KCNJ3: variants seen among roughly 807,000 people sequenced by gnomAD.
KCNJ3 encodes potassium inwardly rectifying channel subfamily J member 3.
In KCNJ3, 4 loss-of-function variants were observed where a neutral mutation model predicts 39.2. The ratio of observed to expected loss-of-function variants is 0.10; its 90% CI spans 0.05 to 0.23. The LOEUF (loss-of-function observed/expected upper bound fraction) is 0.23, where lower values mean the gene tolerates loss of function less well. KCNJ3 is among the 10% of genes least tolerant of loss of function. KCNJ3 has a pLI of 1.00. For synonymous variants in KCNJ3, 230 were observed against 237.4 expected, an observed-to-expected ratio of 0.97 and a Z score of 0.29; for missense variants, 276 against 634.9, an observed-to-expected ratio of 0.43 and a Z score of 6.08.
intron 1 of KCNJ3, among the ~76,000 whole-genome samples, chr2:154,700,025 TCATCTTTTTAACAAACA>T (rs1460360529): frequency 6.6e-6 from 1 of 152,168 alleles, no homozygotes; most frequent in Middle Eastern, 3.2e-3. Flanking sequence ...AACTCTATGG[TCATCTTTTTAACAAACA>T]CACAGATACA....
At chr2:154,765,430 A>T (rs2652437) in intron 2 of KCNJ3, among the ~76,000 whole-genome samples, 98,394 of 152,048 alleles carry the variant, frequency 0.65, 34,859 homozygotes, top group Middle Eastern at 0.8. Context: ...TTCTCTTGCT[A>T]GAATGTAAAG....
At chr2:154,733,010 T>C (rs951467847) in intron 2 of KCNJ3, among the ~76,000 whole-genome samples, 2 of 152,162 alleles carry the variant, frequency 1.3e-5, no homozygotes, top group Non-Finnish European at 2.9e-5. Flanking sequence ...AAAACTTTAG[T>C]GTTGATTTTT....
rs1157195148 is a variant in KCNJ3 at position 154,855,194 on chromosome 2, A to G, written c.1387A>G (p.Met463Val). ...AACCACCAAGATGTTATCTGATCCCATGAGCCAGTCTGTGGCTGATTTGCC... is the reference window on the plus strand; with the variant it reads ...AACCACCAAGATGTTATCTGATCCCGTGAGCCAGTCTGTGGCTGATTTGCC... ...SKTTKMLSDPMSQSVADLPPK... is the reference protein window; with the variant it reads ...SKTTKMLSDPVSQSVADLPPK... The change falls in exon 3 of 3, where the codon ATG (methionine) becomes GTG (valine). Residue 463 changes from methionine (M) to valine (V), a missense_variant. By Grantham distance (21) the Met-to-Val change is conservative (BLOSUM62 1). Coordinates refer to ENST00000295101, the MANE Select transcript of KCNJ3 (RefSeq NM_002239.4). 1.2e-6 allele frequency: 2 copies of G among 1,613,936 alleles called. No individual in the cohort carries two copies. Among genetic ancestry groups the G allele is most frequent in the Admixed American group, 1.7e-5 (1 of 59,986 alleles).
intron 2 of KCNJ3, among the ~76,000 whole-genome samples, chr2:154,838,988 G>A (rs922482664): frequency 6.6e-6 from 1 of 152,062 alleles, no homozygotes; most frequent in African/African-American, 2.4e-5. Flanking sequence ...GAGTACATGT[G>A]CACAACGTGC....
chr2:154,787,079 A>G (rs1316771748), intron 2 of KCNJ3, among the ~76,000 whole-genome samples: 2 of 152,226 alleles, frequency 1.3e-5, no homozygotes, highest in African/African-American at 4.8e-5. Context: ...ACTAGAAAAA[A>G]AGGGTGTAAA....
chr2:154,784,763 G>T (rs1182485288), intron 2 of KCNJ3, among the ~76,000 whole-genome samples: 3 of 152,066 alleles, frequency 2.0e-5, no homozygotes, highest in Non-Finnish European at 4.4e-5. Flanking sequence ...GCAAAGTTGT[G>T]CTATCTACAT....
intron 2 of KCNJ3, among the ~76,000 whole-genome samples, chr2:154,810,681 A>G (rs748462362): frequency 7.0e-4 from 107 of 152,216 alleles, no homozygotes; most frequent in Non-Finnish European, 1.4e-3. Context: ...AAACTAGTCA[A>G]AAATATATCA....
intron 2 of KCNJ3, among the ~76,000 whole-genome samples, chr2:154,796,431 A>G (rs1252801063): frequency 1.3e-5 from 2 of 152,098 alleles, no homozygotes; most frequent in Non-Finnish European, 2.9e-5. Flanking sequence ...TTTCACTGTT[A>G]TATTGACATA....
intron 2 of KCNJ3, among the ~76,000 whole-genome samples, chr2:154,722,825 G>C (rs1470451568): frequency 2.6e-5 from 4 of 152,184 alleles, no homozygotes; most frequent in African/African-American, 9.6e-5. Context: ...TTTATTGCTA[G>C]AGGAAGTTTG....
At chr2:154,809,905 T>G (rs199768794) in intron 2 of KCNJ3, among the ~76,000 whole-genome samples, 2 of 145,876 alleles carry the variant, frequency 1.4e-5, no homozygotes, top group Non-Finnish European at 3.0e-5. Flanking sequence ...TATATATATA[T>G]GCACACACAC....
chr2:154,761,490 C>G (rs1225327998), intron 2 of KCNJ3, among the ~76,000 whole-genome samples: 1 of 152,118 alleles, frequency 6.6e-6, no homozygotes, highest in Non-Finnish European at 1.5e-5. Context: ...AAAAGGCTTA[C>G]TGTGATGCTG....
intron 2 of KCNJ3, among the ~76,000 whole-genome samples, chr2:154,795,746 G>T (rs548768445): frequency 6.6e-6 from 1 of 152,148 alleles, no homozygotes; most frequent in Non-Finnish European, 1.5e-5. Context: ...TTTCAGTCAT[G>T]TAAGAATACC....
At position 154,712,622 on chromosome 2, in the gene KCNJ3, G is replaced by A. The variant is rs181837634; in HGVS notation, c.919+2803G>A. ...ACAGAAAGAATTTCTTTCCTCAGGG[G>A]GGTTATATTCTAAGGAGGTGGCAGA... On this transcript the variant is annotated intron_variant, in intron 2 of 2. Transcript: ENST00000295101. Among the ~76,000 whole-genome samples the A allele has an allele frequency of 4.4e-3, 664 of 152,112 alleles. 5 individuals carry two copies. Among genetic ancestry groups the A allele is most frequent in the South Asian group, 0.02 (98 of 4,810 alleles).
At chr2:154,814,647 A>T (rs951097949) in intron 2 of KCNJ3, among the ~76,000 whole-genome samples, 1 of 152,202 alleles carries the variant, frequency 6.6e-6, no homozygotes, top group African/African-American at 2.4e-5. Context: ...CAAAAAAAAT[A>T]AATAAATAAA....
intron 2 of KCNJ3, among the ~76,000 whole-genome samples, chr2:154,733,602 C>T (rs1213728802): frequency 6.6e-6 from 1 of 152,072 alleles, no homozygotes; most frequent in Non-Finnish European, 1.5e-5. Context: ...TCCTTCTTGT[C>T]TTGAATTGAA....
At chr2:154,801,251 G>T (rs2652447) in intron 2 of KCNJ3, among the ~76,000 whole-genome samples, 1 of 151,976 alleles carries the variant, frequency 6.6e-6, no homozygotes, top group African/African-American at 2.4e-5. Context: ...TGAGTGAATG[G>T]AGGTTAATAT....
At chr2:154,821,776 G>A (rs1423524570) in intron 2 of KCNJ3, among the ~76,000 whole-genome samples, 2 of 151,274 alleles carry the variant, frequency 1.3e-5, no homozygotes, top group East Asian at 2.0e-4. Flanking sequence ...GAGTAGCTGG[G>A]TCTACAGACA....
At chr2:154,738,253 G>A (rs2105172896) in intron 2 of KCNJ3, among the ~76,000 whole-genome samples, 1 of 152,156 alleles carries the variant, frequency 6.6e-6, no homozygotes, top group East Asian at 1.9e-4. Flanking sequence ...ATAGAGAGCA[G>A]AACGATAGTC....
intron 2 of KCNJ3, among the ~76,000 whole-genome samples, chr2:154,721,568 G>T (rs1022759621): frequency 1.3e-5 from 2 of 151,712 alleles, no homozygotes; most frequent in African/African-American, 4.8e-5. Flanking sequence ...AATCTAACAC[G>T]ACATGTTCAG....
Sources: gnomAD v4.1 joint callset for allele counts (sites outside exome capture counted in the v4.1 genomes callset) on GRCh38, gnomAD v4.1.1 for gene constraint, MANE v1.5 for transcripts, NCBI Gene and HGNC (gene_info 2026-07-23, HGNC 2026-07-21) for gene names.